Variants in RPS6KC1 observed in about 807,000 individuals in gnomAD.
RPS6KC1 encodes the protein ribosomal protein S6 kinase C1.
RPS6KC1 carries 54 observed loss-of-function variants against 103.8 expected under a neutral mutation model. The ratio of observed to expected loss-of-function variants is 0.52; its 90% confidence interval spans 0.42 to 0.65. RPS6KC1 has a LOEUF of 0.65. Among genes scored for constraint, RPS6KC1 ranks in the 30% least tolerant of loss-of-function variants. The pLI is 0.00. For synonymous variants in RPS6KC1, 439 were observed against 438.7 expected, an observed-to-expected ratio of 1.00 and a Z score of -0.01; for missense variants, 1,151 against 1,253.8, an observed-to-expected ratio of 0.92 and a Z score of 1.24.
chr1:213,271,688 CG>C (rs1411319941), intron 14 of RPS6KC1, among the ~76,000 whole-genome samples: 1 of 140,350 alleles, frequency 7.1e-6, no homozygotes, highest in Admixed American at 7.9e-5. Flanking sequence ...GACGTGAACC[CG>C]GGAGGCGGAG....
downstream of RPS6KC1, among the ~76,000 whole-genome samples, chr1:213,278,065 C>T (rs144329935): frequency 1.3e-5 from 2 of 151,920 alleles, no homozygotes; most frequent in Non-Finnish European, 2.9e-5. Flanking sequence ...TTAGCTTGGG[C>T]ACGGTGGCAC....
chr1:213,764,963 G>GTA, the RPS6KC1 span, among the ~76,000 whole-genome samples: 17 of 152,160 alleles, frequency 1.1e-4, no homozygotes, highest in African/African-American at 3.9e-4. Context: ...CAGGGGTGGG[G>GTA]TGTCTCTCTC....
chr1:213,151,431 C>T (rs2088873962), intron 6 of RPS6KC1, among the ~76,000 whole-genome samples: 2 of 136,752 alleles, frequency 1.5e-5, no homozygotes, highest in Admixed American at 1.4e-4. Flanking sequence ...CGGGCAGAGG[C>T]GCCCCTCACC....
intron 6 of RPS6KC1, among the ~76,000 whole-genome samples, chr1:213,155,314 A>G (rs978952304): frequency 7.2e-5 from 11 of 152,108 alleles, no homozygotes; most frequent in African/African-American, 2.7e-4. Flanking sequence ...CTAGTTCAGT[A>G]CTAGGACTCG....
At chr1:213,805,382 C>T in the RPS6KC1 span, among the ~76,000 whole-genome samples, 15 of 151,382 alleles carry the variant, frequency 9.9e-5, no homozygotes, top group East Asian at 7.8e-4. Flanking sequence ...GCTTTGCCAA[C>T]GAAGTTTATG....
the RPS6KC1 span, among the ~76,000 whole-genome samples, chr1:213,854,815 G>C: frequency 8.2e-3 from 1,251 of 152,294 alleles, 22 homozygotes; most frequent in African/African-American, 0.028. Context: ...TCTTCGCTGA[G>C]CCTGGGTCCA....
At chr1:213,384,069 G>C in the RPS6KC1 span, among the ~76,000 whole-genome samples, 1 of 152,122 alleles carries the variant, frequency 6.6e-6, no homozygotes, top group African/African-American at 2.4e-5. Context: ...GAAGTCAGGA[G>C]ATTGAGACCA....
chr1:213,592,257 C>CT, the RPS6KC1 span, among the ~76,000 whole-genome samples: 1 of 151,998 alleles, frequency 6.6e-6, no homozygotes, highest in Non-Finnish European at 1.5e-5. Flanking sequence ...GTTTTAGCTG[C>CT]TTTTTTTGTC....
chr1:213,855,425 C>A, the RPS6KC1 span, among the ~76,000 whole-genome samples: 1 of 152,176 alleles, frequency 6.6e-6, no homozygotes, highest in African/African-American at 2.4e-5. Context: ...ACAACCTTGT[C>A]ACCTGACACT....
chr1:213,626,711 A>G, the RPS6KC1 span, among the ~76,000 whole-genome samples: 4 of 152,070 alleles, frequency 2.6e-5, no homozygotes, highest in Admixed American at 2.0e-4. Context: ...TGTTTTTGTC[A>G]GATTTGTCAA....
chr1:213,070,147 C>CT (rs531225840), intron 1 of RPS6KC1, among the ~76,000 whole-genome samples: 3 of 151,912 alleles, frequency 2.0e-5, no homozygotes, highest in Admixed American at 6.6e-5. Flanking sequence ...ATTGTAGCTG[C>CT]TTTTTTTTAA....
At chr1:213,589,994 A>G in the RPS6KC1 span, among the ~76,000 whole-genome samples, 1 of 146,006 alleles carries the variant, frequency 6.8e-6, no homozygotes. Flanking sequence ...TGGAGCAGCA[A>G]TGAGGGGGAG....
the RPS6KC1 span, among the ~76,000 whole-genome samples, chr1:213,705,751 A>T: frequency 6.6e-6 from 1 of 152,226 alleles, no homozygotes; most frequent in African/African-American, 2.4e-5. Flanking sequence ...TTGCCATAGT[A>T]CTTGGGTATC....
the RPS6KC1 span, among the ~76,000 whole-genome samples, chr1:213,464,540 TA>T: frequency 2.0e-5 from 3 of 152,092 alleles, no homozygotes; most frequent in African/African-American, 7.2e-5. Context: ...TCAGTGCTTT[TA>T]AAAAAATATA....
chr1:213,799,501 G>T, the RPS6KC1 span, among the ~76,000 whole-genome samples: 2 of 152,268 alleles, frequency 1.3e-5, no homozygotes, highest in African/African-American at 4.8e-5. Flanking sequence ...TATATTTGAT[G>T]AATGTGATGA....
At chr1:213,176,754 A>C in intron 8 of RPS6KC1, 1 of 266,058 alleles carries the variant, frequency 3.8e-6, no homozygotes, top group Non-Finnish European at 7.4e-6. Context: ...GTTTTATAGA[A>C]GTGTTATAGC....
At chr1:213,209,695 CAAA>C (rs60840755) in intron 8 of RPS6KC1, among the ~76,000 whole-genome samples, 16 of 54,128 alleles carry the variant, frequency 3.0e-4, no homozygotes, top group African/African-American at 9.0e-4. Context: ...AACTCCGTCT[CAAA>C]AAAAAAAAAA....
At chr1:213,140,160 T>C (rs1018369559) in intron 6 of RPS6KC1, among the ~76,000 whole-genome samples, 1 of 152,126 alleles carries the variant, frequency 6.6e-6, no homozygotes, top group African/African-American at 2.4e-5. Flanking sequence ...GATTGATGTA[T>C]AGAAATGCTA....
chr1:213,711,025 T>C, the RPS6KC1 span, among the ~76,000 whole-genome samples: 2 of 152,194 alleles, frequency 1.3e-5, no homozygotes, highest in Non-Finnish European at 2.9e-5. Flanking sequence ...AGTATCTTTG[T>C]GGTGTTCTCT....
Sources: allele counts gnomAD v4.1 joint callset (sites outside exome capture counted in the v4.1 genomes callset), GRCh38; gene constraint gnomAD v4.1.1; transcripts MANE v1.5; gene names NCBI Gene and HGNC (gene_info 2026-07-23, HGNC 2026-07-21).